Variants in FRMPD4 observed in about 807,000 individuals in gnomAD.
FRMPD4 encodes FERM and PDZ domain-containing protein 4.
FRMPD4 carries 22 observed loss-of-function variants against 94.1 expected under a neutral mutation model. The ratio of observed to expected loss-of-function variants is 0.23; its 90% CI spans 0.17 to 0.33. The LOEUF (loss-of-function observed/expected upper bound fraction) is 0.33, where lower values mean the gene tolerates loss of function less well. Ranked by LOEUF, FRMPD4 falls within the 10% of genes least tolerant of loss-of-function variation. The probability of loss-of-function intolerance (pLI) is 1.00; values close to 1 mark genes in which losing one functional copy is unlikely to be tolerated. For missense variants in FRMPD4, 1,111 were observed against 1,339.9 expected (o/e 0.83, Z 2.67); for synonymous variants, 631 against 548.6 (o/e 1.15, Z -2.10).
At chrX:12,171,497 G>A (rs891647235) in intron 1 of FRMPD4, among the ~76,000 whole-genome samples, 1 of 111,439 alleles carries the variant, frequency 9.0e-6, no homozygotes, top group Non-Finnish European at 1.9e-5. Flanking sequence ...GAAATCAGTC[G>A]GTTGCACTTT....
At position 12,239,068 on chromosome X, in the gene FRMPD4, C is replaced by T. The variant is rs766050195; in HGVS notation, c.41+100056C>T. On this transcript the variant is annotated intron_variant, in intron 1 of 16. Coordinates refer to ENST00000675598, the MANE Select transcript of FRMPD4 (RefSeq NM_001368397.1). ...TTATTTGTTTATGCTATCAATTCAT[C>T]ACATTAAATCAGAATCAAGGCTATT... Among the ~76,000 whole-genome samples, 4 of 112,317 alleles carry T rather than the reference C, an allele frequency of 3.6e-5. No homozygotes were observed. In the South Asian group the frequency reaches 1.5e-3, roughly 42 times the overall value.
chrX:11,964,524 C>A (rs1004650348), intron 3 of FRMPD4, among the ~76,000 whole-genome samples: 5 of 111,367 alleles, frequency 4.5e-5, no homozygotes, highest in Non-Finnish European at 7.5e-5. Context: ...ACCTGCACTA[C>A]AGATCAAATA....
intron 3 of FRMPD4, among the ~76,000 whole-genome samples, chrX:11,900,417 A>C (rs1047759123): frequency 8.9e-6 from 1 of 111,769 alleles, no homozygotes; most frequent in Non-Finnish European, 1.9e-5. Flanking sequence ...GAAGAAGAGA[A>C]GGAGCATGGG....
chrX:11,855,147 C>T (rs1601807084), intron 1 of FRMPD4, among the ~76,000 whole-genome samples: 2 of 112,781 alleles, frequency 1.8e-5, no homozygotes, highest in African/African-American at 6.4e-5. Context: ...GAAGTAATGG[C>T]CTGAGCTGTA....
At chrX:12,325,371 C>T (rs2055270209) in intron 1 of FRMPD4, among the ~76,000 whole-genome samples, 1 of 112,625 alleles carries the variant, frequency 8.9e-6, no homozygotes, top group Non-Finnish European at 1.9e-5. Flanking sequence ...TCTGGCCTTT[C>T]ACAGAAAATG....
intron 3 of FRMPD4, among the ~76,000 whole-genome samples, chrX:12,012,692 G>A (rs1202700840): frequency 8.9e-6 from 1 of 112,344 alleles, no homozygotes; most frequent in African/African-American, 3.2e-5. Context: ...TGCAAAATTT[G>A]TGTCTTACTG....
intron 2 of FRMPD4, among the ~76,000 whole-genome samples, chrX:12,520,608 C>T (rs1313606714): frequency 8.9e-6 from 1 of 111,865 alleles, no homozygotes; most frequent in Non-Finnish European, 1.9e-5. Context: ...GACTCTGTTT[C>T]ATCCCTCTGA....
At chrX:12,325,373 C>T (rs1441439775) in intron 1 of FRMPD4, among the ~76,000 whole-genome samples, 2 of 112,595 alleles carry the variant, frequency 1.8e-5, no homozygotes, top group Non-Finnish European at 3.8e-5. Context: ...TGGCCTTTCA[C>T]AGAAAATGTA....
At chrX:12,307,783 GC>G (rs1050905484) in intron 1 of FRMPD4, among the ~76,000 whole-genome samples, 4 of 111,731 alleles carry the variant, frequency 3.6e-5, no homozygotes, top group Non-Finnish European at 7.5e-5. Context: ...AAGGGAAGGG[GC>G]CTTCACTAAG....
intron 2 of FRMPD4, among the ~76,000 whole-genome samples, chrX:12,522,073 T>G (rs1373162443): frequency 1.9e-5 from 2 of 107,050 alleles, no homozygotes; most frequent in Non-Finnish European, 3.8e-5. Context: ...CTTTAGCACA[T>G]ATAATGACTT....
chrX:11,912,974 C>A (rs1473502482), intron 3 of FRMPD4, among the ~76,000 whole-genome samples: 1 of 111,326 alleles, frequency 9.0e-6, no homozygotes, highest in Non-Finnish European at 1.9e-5. Flanking sequence ...GATAAAGAAA[C>A]CAAGGCTAAA....
Position 12,674,904 on chromosome X carries a change from A to G in FRMPD4, c.464A>G (p.Tyr155Cys). 8.8e-7 allele frequency: 1 copy of G among 1,141,575 alleles called. No individual in the cohort carries two copies. Among genetic ancestry groups the G allele is most frequent in the Non-Finnish European group, 1.2e-6 (1 of 831,318 alleles). The allele number at this position is 1,141,575 out of a possible 1,213,427, so 94.1% of individuals were successfully genotyped here. Reference sequence around the variant, plus strand: ...ATACTCCTCACTGTCATTCAGCCTTACCCTGTAAGTGTTCTGTGAATAAAA... The same window carrying G: ...ATACTCCTCACTGTCATTCAGCCTTGCCCTGTAAGTGTTCTGTGAATAAAA... ...ESILLTVIQP[Y>C]PSPKSAFISA... Residue 155 changes from tyrosine to cysteine, a missense_variant, in exon 5 of 17, where the codon TAC becomes TGC. By Grantham distance (194) the Tyr-to-Cys change is radical. Around this residue, in one of 8 missense-constraint regions of FRMPD4, gnomAD observed 140 missense variants for 165.9 expected, o/e 0.84. Coordinates refer to ENST00000675598, the MANE Select transcript of FRMPD4 (RefSeq NM_001368397.1).
chrX:12,154,657 C>T (rs1000668076), intron 1 of FRMPD4, among the ~76,000 whole-genome samples: 6 of 112,684 alleles, frequency 5.3e-5, no homozygotes, highest in African/African-American at 9.7e-5. Context: ...CTATGTTTTA[C>T]GTGAAAAATG....
At chrX:12,494,584 A>G (rs759301494) in intron 1 of FRMPD4, among the ~76,000 whole-genome samples, 15 of 111,184 alleles carry the variant, frequency 1.3e-4, no homozygotes, top group Non-Finnish European at 2.6e-4. Context: ...AAACTCAAAT[A>G]CCAAAGAGGC....
chrX:12,072,848 C>T (rs1398483948), intron 3 of FRMPD4, among the ~76,000 whole-genome samples: 2 of 110,473 alleles, frequency 1.8e-5, no homozygotes, highest in Non-Finnish European at 1.9e-5. Context: ...GTCCCCATCC[C>T]GTTCCACTCT....
At position 11,958,155 on chromosome X, in the gene FRMPD4, C is replaced by G. The variant is rs1418093396; in HGVS notation, c.95+80137C>G. Among the ~76,000 whole-genome samples the G allele has an allele frequency of 2.7e-5, 3 of 111,505 alleles. No homozygotes were observed. In the East Asian group the frequency reaches 8.4e-4, roughly 31 times the overall value. On this transcript the variant is annotated intron_variant, in intron 3 of 18. Transcript: ENST00000640291. ...AGACCCATCTCTGGATTTTCTGATC[C>G]AGACTCTCAAGGACATATGTCTTTA...
intron 1 of FRMPD4, among the ~76,000 whole-genome samples, chrX:12,169,439 A>T (rs1442241611): frequency 1.8e-5 from 2 of 111,974 alleles, no homozygotes; most frequent in African/African-American, 3.2e-5. Context: ...TATTGCTAAT[A>T]AATTAAGACA....
chrX:12,557,768 G>T (rs768887580), intron 2 of FRMPD4, among the ~76,000 whole-genome samples: 4 of 111,391 alleles, frequency 3.6e-5, no homozygotes, highest in Non-Finnish European at 5.6e-5. Flanking sequence ...TCCCCAGGTG[G>T]GCCCTGACCT....
At chrX:12,592,579 T>A (rs2058993287) in intron 2 of FRMPD4, among the ~76,000 whole-genome samples, 1 of 112,234 alleles carries the variant, frequency 8.9e-6, no homozygotes, top group Admixed American at 9.4e-5. Flanking sequence ...TTCCACTTAG[T>A]GAGATGAAAA....
Sources: gnomAD v4.1 joint callset for allele counts (sites outside exome capture counted in the v4.1 genomes callset) on GRCh38, gnomAD v4.1.1 for gene constraint, gnomAD v4.1.1 regional missense constraint, MANE v1.5 for transcripts, NCBI Gene and HGNC (gene_info 2026-07-23, HGNC 2026-07-21) for gene names.